Variants in FREM1 observed in about 807,000 individuals in gnomAD.
The protein encoded by FREM1 is FRAS1 related extracellular matrix 1.
A neutral mutation model predicts 210.1 loss-of-function variants in FREM1; 220 were observed. The observed-to-expected ratio is 1.05, with a 90% CI of 0.94 to 1.17. The LOEUF (loss-of-function observed/expected upper bound fraction) is 1.17, where lower values mean the gene tolerates loss of function less well. Among genes scored for constraint, FREM1 ranks in the 50% most tolerant of loss-of-function variants. FREM1 has a pLI of 0.00. For missense variants in FREM1, 3,454 were observed against 2,675.5 expected, an observed-to-expected ratio of 1.29 and a Z score of -6.42; for synonymous variants, 1,189 against 980.2, an observed-to-expected ratio of 1.21 and a Z score of -3.98.
intron 10 of FREM1, among the ~76,000 whole-genome samples, chr9:14,827,027 C>T (rs1178230963): frequency 6.6e-6 from 1 of 152,136 alleles, no homozygotes; most frequent in East Asian, 1.9e-4. Flanking sequence ...ACTGAAATAC[C>T]TGAAAATGTG....
At chr9:14,898,558 A>G (rs1838182884) in intron 1 of FREM1, among the ~76,000 whole-genome samples, 1 of 152,178 alleles carries the variant, frequency 6.6e-6, no homozygotes, top group South Asian at 2.1e-4. Flanking sequence ...CCTGGCCAAC[A>G]TGGCGAAACC....
chr9:14,770,787 G>C lies in FREM1; in HGVS notation c.4877C>G (p.Thr1626Arg). ...FTIQVDQLDK[T>R]APRITLLHSP... The stretch of plus-strand genomic sequence containing the variant: ...ATGCAAGAGTGTGATACGAGGAGCT[G>C]TTTTGTCCAATTGGTCTACCTGGAT... Residue 1626 changes from threonine to arginine, a missense_variant, in exon 26 of 37, where the codon ACA (threonine) becomes AGA (arginine). Physicochemically the swap from Thr to Arg is moderately conservative, Grantham distance 71. Transcript: ENST00000380880. 2 of 1,612,400 alleles carry C rather than the reference G, an allele frequency of 1.2e-6. No individual in the cohort carries two copies. Among genetic ancestry groups the C allele is most frequent in the South Asian group, 1.1e-5 (1 of 90,854 alleles).
chr9:14,882,349 G>C lies in FREM1; in HGVS notation c.-267-13105C>G, dbSNP rs538026102. On this transcript the variant is annotated intron_variant, in intron 1 of 36. Coordinates refer to ENST00000380880, the MANE Select transcript of FREM1 (RefSeq NM_001379081.2). Reference sequence around the variant, plus strand: ...TCTGCCAGGAAGAGACAAGAGAAGAGAGGAGATATCTATTCTTATGGCTCC... The same window carrying C: ...TCTGCCAGGAAGAGACAAGAGAAGACAGGAGATATCTATTCTTATGGCTCC... Among the ~76,000 whole-genome samples, 736 of 152,230 alleles carry C rather than the reference G, an allele frequency of 4.8e-3. 5 individuals are homozygous for C. Among genetic ancestry groups the C allele is most frequent in the African/African-American group, 0.017 (716 of 41,526 alleles).
rs117846192 is a variant in FREM1 at position 14,892,135 on chromosome 9, C to A, written c.-268+17779G>T. ...TCTCTCTTGGGGTCTGGATTGGGAC[C>A]CCTTTCCTGTAACATCTTTATGGTC... On this transcript the variant is annotated intron_variant, in intron 1 of 36. Coordinates refer to ENST00000380880, the MANE Select transcript of FREM1 (RefSeq NM_001379081.2). Among the ~76,000 whole-genome samples the A allele has an allele frequency of 7.8e-3, 1,180 of 152,116 alleles. 5 individuals carry two copies. Among genetic ancestry groups the A allele is most frequent in the Admixed American group, 0.013 (202 of 15,274 alleles).
intron 5 of FREM1, among the ~76,000 whole-genome samples, chr9:14,853,618 C>T (rs932756366): frequency 1.3e-5 from 2 of 152,136 alleles, no homozygotes; most frequent in Admixed American, 6.5e-5. Context: ...TCCCCAAAAC[C>T]ACCCCTGCCA....
Position 14,897,710 on chromosome 9 carries a change from C to T in FREM1, c.-268+12204G>A, listed in dbSNP as rs538177655. ...GGCACAAGCAATCCTCCCACCTCAG[C>T]TTCCTGAGTAGCTAGGACTACAGGC... On this transcript the variant is annotated intron_variant, in intron 1 of 36. Transcript: ENST00000380880. Among the ~76,000 whole-genome samples the T allele has an allele frequency of 2.0e-5, 3 of 152,174 alleles. No individual in the cohort carries two copies. The South Asian group carries it at 6.2e-4, about 32-fold the overall frequency.
intron 3 of FREM1, among the ~76,000 whole-genome samples, chr9:14,860,782 CATATAT>C (rs1416134082): frequency 0.028 from 2,112 of 75,738 alleles, 259 homozygotes; most frequent in East Asian, 0.074. Flanking sequence ...CACATATATA[CATATAT>C]ACATATATAC....
chr9:14,881,616 T>A (rs1333901650), intron 1 of FREM1, among the ~76,000 whole-genome samples: 4 of 152,224 alleles, frequency 2.6e-5, no homozygotes, highest in African/African-American at 9.6e-5. Context: ...GTTTCCTTCG[T>A]TTCACTTATG....
chr9:14,846,734 C>T (rs1478608826), intron 7 of FREM1, among the ~76,000 whole-genome samples: 1 of 152,116 alleles, frequency 6.6e-6, no homozygotes, highest in African/African-American at 2.4e-5. Flanking sequence ...TACAGATAAT[C>T]CTGAAAGGGA....
Position 14,784,358 on chromosome 9 carries a change from C to G in FREM1, c.4442+12G>C. On this transcript the variant is annotated intron_variant, in intron 24 of 36. Coordinates refer to ENST00000380880, the MANE Select transcript of FREM1 (RefSeq NM_001379081.2). The stretch of plus-strand genomic sequence containing the variant: ...CCAAAGAAGGGGTTTGAAAAGTTTC[C>G]ATGGGGCTCACCTGAATCTGTCACT... 2 of 1,607,692 alleles carry G rather than the reference C, an allele frequency of 1.2e-6. No individual in the cohort carries two copies. The highest frequency in any genetic ancestry group is 4.5e-5 in the East Asian group (2 of 44,760).
chr9:14,754,983 G>A (rs1256692232), intron 29 of FREM1, among the ~76,000 whole-genome samples: 1 of 152,120 alleles, frequency 6.6e-6, no homozygotes, highest in Non-Finnish European at 1.5e-5. Context: ...TGCACACAAG[G>A]AGAACGCTAC....
intron 22 of FREM1, among the ~76,000 whole-genome samples, chr9:14,791,404 A>G (rs1402342741): frequency 6.6e-6 from 1 of 152,230 alleles, no homozygotes; most frequent in African/African-American, 2.4e-5. Flanking sequence ...TTGAGAACAT[A>G]TACAATTCCA....
chr9:14,905,681 G>A (rs1351350249), intron 1 of FREM1, among the ~76,000 whole-genome samples: 2 of 152,202 alleles, frequency 1.3e-5, no homozygotes, highest in Non-Finnish European at 2.9e-5. Context: ...CTGAGGTCAG[G>A]AGTTCAAGAG....
chr9:14,769,828 G>A lies in FREM1; in HGVS notation c.5100C>T (p.Asn1700=). The change falls in exon 27 of 37, where the codon AAC becomes AAT. Residue 1700 remains asparagine (N), a synonymous_variant. Transcript: ENST00000380880. ...TTATGATGTAAAGAATAGTCTTACTGTTTAAGTCCTTTTGGCTAAATTTCT... is the reference window on the plus strand; with the variant it reads ...TTATGATGTAAAGAATAGTCTTACTATTTAAGTCCTTTTGGCTAAATTTCT... ...IHEKFSQKDL[N]SKTILYIINP... is the part of the protein sequence containing the mutation. 1 of 1,593,896 alleles carries A rather than the reference G, an allele frequency of 6.3e-7. No homozygotes were observed. Among genetic ancestry groups the A allele is most frequent in the Non-Finnish European group, 8.6e-7 (1 of 1,168,500 alleles).
chr9:14,816,893 C>T (rs1275723189), intron 14 of FREM1, 22 bp from the exon 15 acceptor site: 6 of 1,004,854 alleles, frequency 6.0e-6, no homozygotes, highest in Non-Finnish European at 8.5e-6. Flanking sequence ...ATATTTGTCA[C>T]CAACCTCTTA....
chr9:14,806,686 T>C lies in FREM1; in HGVS notation c.3249A>G (p.Glu1083=). ...CTATACTTATGCCAATATTGCTTTT[T>C]TCAAAACCCACAGAAGGGAGTATAT... The part of the protein sequence containing the change: ...LENILPSVGF[E]KSNIGISIDS... Residue 1083 remains glutamate (E), a synonymous_variant, in exon 18 of 37, where the codon GAA becomes GAG. Transcript: ENST00000380880. The C allele has an allele frequency of 6.3e-7, 1 of 1,599,918 alleles. No individual in the cohort carries two copies. The highest frequency in any genetic ancestry group is 8.5e-7 in the Non-Finnish European group (1 of 1,172,502).
intron 3 of FREM1, among the ~76,000 whole-genome samples, chr9:14,860,742 T>TATATGCAC (rs1829840395): frequency 4.7e-5 from 6 of 127,818 alleles, no homozygotes; most frequent in Admixed American, 3.3e-4. Context: ...TATATACACA[T>TATATGCAC]ATATATGCAC....
chr9:14,770,177 A>C (rs1847272313), intron 26 of FREM1, among the ~76,000 whole-genome samples: 1 of 152,212 alleles, frequency 6.6e-6, no homozygotes, highest in Non-Finnish European at 1.5e-5. Flanking sequence ...TATTATGATC[A>C]TTGTGCTCAT....
chr9:14,778,075 C>A (rs1161515240), intron 24 of FREM1, among the ~76,000 whole-genome samples: 1 of 152,130 alleles, frequency 6.6e-6, no homozygotes, highest in Non-Finnish European at 1.5e-5. Context: ...ACATTTCACA[C>A]ACCTCGACTT....
Sources: allele counts gnomAD v4.1 joint callset (sites outside exome capture counted in the v4.1 genomes callset), GRCh38; gene constraint gnomAD v4.1.1; transcripts MANE v1.5; gene names NCBI Gene and HGNC (gene_info 2026-07-23, HGNC 2026-07-21).